Variants in BPNT2 observed in about 807,000 individuals in gnomAD.
BPNT2 encodes 3'(2'), 5'-bisphosphate nucleotidase 2.
BPNT2 carries 11 observed loss-of-function variants against 29.3 expected under a neutral mutation model. The observed-to-expected ratio is 0.38, with a 90% CI of 0.24 to 0.62. The LOEUF is 0.62. Among genes scored for constraint, BPNT2 ranks in the 20% least tolerant of loss-of-function variants. The pLI, the probability that BPNT2 is intolerant of heterozygous loss-of-function variation, is 0.62. For synonymous variants in BPNT2, 195 were observed against 187.7 expected (o/e 1.04, Z -0.32); for missense variants, 459 against 473.4 (o/e 0.97, Z 0.28).
At chr8:56,974,244 G>T (rs1806090282) in intron 3 of BPNT2, among the ~76,000 whole-genome samples, 1 of 152,118 alleles carries the variant, frequency 6.6e-6, no homozygotes, top group African/African-American at 2.4e-5. Flanking sequence ...AGTTTTTAAG[G>T]AGTCAAAAGT....
intron 1 of BPNT2, among the ~76,000 whole-genome samples, chr8:56,980,574 A>G (rs1353392449): frequency 1.3e-5 from 2 of 152,106 alleles, no homozygotes; most frequent in Non-Finnish European, 2.9e-5. Flanking sequence ...AACACAAGCA[A>G]CTAGAGTTAG....
chr8:56,963,965 G>A lies in BPNT2; in HGVS notation c.908C>T (p.Ala303Val). Residue 303 changes from alanine (A) to valine (V), a missense_variant, in exon 5 of 5, where the codon GCT (alanine) becomes GTT (valine). Transcript: ENST00000262644. ...TAGGGCTTTTAAGATGGCATTACCA[G>A]CACATATATCCCACTTTTTGATGTA... Reference protein sequence around the residue: ...VTYIKKWDICAGNAILKALGG... With the variant: ...VTYIKKWDICVGNAILKALGG... The A allele has an allele frequency of 6.2e-7, 1 of 1,613,780 alleles. No homozygotes were observed. Among genetic ancestry groups the A allele is most frequent in the Non-Finnish European group, 8.5e-7 (1 of 1,179,868 alleles).
intron 3 of BPNT2, among the ~76,000 whole-genome samples, chr8:56,971,333 T>TA (rs1806027037): frequency 6.7e-6 from 1 of 150,020 alleles, no homozygotes; most frequent in Non-Finnish European, 1.5e-5. Flanking sequence ...TTCCTACACC[T>TA]ACTTCAGAAA....
intron 1 of BPNT2, among the ~76,000 whole-genome samples, chr8:56,987,980 G>A (rs549622272): frequency 6.6e-6 from 1 of 151,728 alleles, no homozygotes; most frequent in African/African-American, 2.4e-5. Context: ...CACCCGCCTC[G>A]GCCTCCCAAA....
intron 1 of BPNT2, 94 bp downstream of exon 1, chr8:56,993,105 T>C (rs1806445565): frequency 3.3e-6 from 5 of 1,530,344 alleles, no homozygotes; most frequent in East Asian, 4.9e-5. Context: ...ATCTACAAAA[T>C]GGAACCAGAA....
At chr8:56,972,474 T>TACA (rs1280192987) in intron 3 of BPNT2, among the ~76,000 whole-genome samples, 8 of 152,138 alleles carry the variant, frequency 5.3e-5, no homozygotes, top group Admixed American at 5.2e-4. Flanking sequence ...TTGCTGAAGC[T>TACA]ACACACCAAC....
rs1463950518 is a variant in BPNT2 at position 56,959,989 on chromosome 8, T to C, written c.*3804A>G. The C allele has an allele frequency of 6.6e-6, 1 of 152,216 alleles. No homozygotes were observed. Among genetic ancestry groups the C allele is most frequent in the Non-Finnish European group, 1.5e-5 (1 of 68,038 alleles). The allele number at this position is 152,216 out of a possible 1,614,324, so 9.4% of individuals were successfully genotyped here. ...CAACAGTTACAAGACAGACCTTTTG[T>C]AGGCATATAAATACATCTTAAATTC... On this transcript the variant is annotated 3_prime_UTR_variant, in exon 5 of 5. Transcript: ENST00000262644.
chr8:56,979,980 T>C (rs548272419), intron 2 of BPNT2, 55 bp downstream of exon 2: 1 of 1,550,408 alleles, frequency 6.4e-7, no homozygotes, highest in African/African-American at 1.4e-5. Flanking sequence ...GCCTTGGTTC[T>C]GGTTCTCTAC....
chr8:56,971,389 T>C (rs563016868), intron 3 of BPNT2, among the ~76,000 whole-genome samples: 2 of 151,930 alleles, frequency 1.3e-5, no homozygotes, highest in African/African-American at 4.8e-5. Flanking sequence ...CGAGTGAATA[T>C]ACACTTGACC....
intron 1 of BPNT2, among the ~76,000 whole-genome samples, chr8:56,992,372 G>T (rs1013462767): frequency 1.8e-4 from 27 of 152,016 alleles, no homozygotes; most frequent in Non-Finnish European, 2.9e-5. Flanking sequence ...GCAGTTTCTG[G>T]AACTGCAAAT....
intron 1 of BPNT2, among the ~76,000 whole-genome samples, chr8:56,985,878 C>T (rs1806319757): frequency 6.6e-6 from 1 of 152,126 alleles, no homozygotes; most frequent in South Asian, 2.1e-4. Flanking sequence ...TGTAGATGTA[C>T]AAAATATGGA....
intron 3 of BPNT2, among the ~76,000 whole-genome samples, chr8:56,967,888 G>A (rs1017885281): frequency 6.6e-6 from 1 of 152,074 alleles, no homozygotes; most frequent in Non-Finnish European, 1.5e-5. Context: ...TAACAGAAAT[G>A]AAAGCTCCTG....
intron 1 of BPNT2, among the ~76,000 whole-genome samples, chr8:56,983,765 T>TA (rs1331586312): frequency 6.6e-6 from 1 of 152,174 alleles, no homozygotes; most frequent in African/African-American, 2.4e-5. Flanking sequence ...TGGTTTTTTT[T>TA]AACCTTCTCC....
At chr8:56,964,837 T>C (rs1186017091) in intron 4 of BPNT2, among the ~76,000 whole-genome samples, 1 of 152,118 alleles carries the variant, frequency 6.6e-6, no homozygotes, top group Non-Finnish European at 1.5e-5. Context: ...GAGGCAGAAT[T>C]TAAAAACTAA....
Position 56,966,212 on chromosome 8 carries a change from T to C in BPNT2, c.787A>G (p.Ile263Val), listed in dbSNP as rs745323535. ...ATACCAGCACCACCAGCTGGGATAA[T>C]TGTAGTCTGGTTTCCAAAAGTCTGA... ...ALQTFGNQTT[I>V]IPAGGAGYKV... The change falls in exon 4 of 5, where the codon ATT becomes GTT. Residue 263 changes from isoleucine to valine, a missense_variant. Physicochemically the swap from Ile to Val is conservative, Grantham distance 29 (BLOSUM62 3). Transcript: ENST00000262644. 48 of 1,614,062 alleles carry C rather than the reference T, an allele frequency of 3.0e-5. No individual in the cohort carries two copies. Among genetic ancestry groups the C allele is most frequent in the East Asian group, 8.9e-5 (4 of 44,890 alleles).
chr8:56,967,774 G>C lies in BPNT2; in HGVS notation c.647-1422C>G, dbSNP rs1423973420. Among the ~76,000 whole-genome samples, 5 of 152,210 alleles carry C rather than the reference G, an allele frequency of 3.3e-5. No individual in the cohort carries two copies. In the South Asian group the frequency reaches 6.2e-4, roughly 19 times the overall value. ...CAACTAGAGCTGAAGAGAAGGAAGA[G>C]ATTAAGATAGGGGCTTTATTGAAAC... On this transcript the variant is annotated intron_variant, in intron 3 of 4. Transcript: ENST00000262644.
At chr8:56,977,836 T>G (rs944604651) in intron 3 of BPNT2, among the ~76,000 whole-genome samples, 4 of 152,118 alleles carry the variant, frequency 2.6e-5, no homozygotes, top group African/African-American at 9.7e-5. Context: ...AGATACTCCC[T>G]TACAGTTTCA....
rs2129202829 is a variant in BPNT2 at position 56,960,952 on chromosome 8, A to G, written c.*2841T>C. On this transcript the variant is annotated 3_prime_UTR_variant, in exon 5 of 5. Coordinates refer to ENST00000262644, the MANE Select transcript of BPNT2 (RefSeq NM_017813.5). ...CCAATATCCAGAAAAATGTATATCT[A>G]AAAGAATTTGGGAGTGAGAGTTGTG... The G allele has an allele frequency of 6.6e-6, 1 of 152,302 alleles. No individual in the cohort carries two copies. The highest frequency in any genetic ancestry group is 1.9e-4 in the East Asian group (1 of 5,184). 9.4% of individuals were successfully genotyped at this position (152,302 alleles called of 1,614,324 possible).
chr8:56,993,472 G>A lies in BPNT2; in HGVS notation c.114C>T (p.Leu38=), dbSNP rs1404042115. 1.3e-6 allele frequency: 2 copies of A among 1,495,874 alleles called. No individual in the cohort carries two copies. Among genetic ancestry groups the A allele is most frequent in the South Asian group, 1.3e-5 (1 of 77,982 alleles). The allele number at this position is 1,495,874 out of a possible 1,614,324, so 92.7% of individuals were successfully genotyped here. A position where few individuals can be genotyped will look rare whatever the true frequency, so the allele number is the denominator to read the frequency against. The stretch of plus-strand genomic sequence containing the variant: ...CGCCAGGCTCGCCGCCCAGGCCGAA[G>A]AGGCTGAAGCGGCCGGCCAAGAAGC... The part of the protein sequence containing the change: ...YSGFLAGRFS[L]FGLGGEPGGG... The change falls in exon 1 of 5, where the codon CTC becomes CTT. Residue 38 remains leucine (L), a synonymous_variant. Coordinates refer to ENST00000262644, the MANE Select transcript of BPNT2 (RefSeq NM_017813.5).
Sources: allele counts gnomAD v4.1 joint callset (sites outside exome capture counted in the v4.1 genomes callset), GRCh38; gene constraint gnomAD v4.1.1; transcripts MANE v1.5; gene names NCBI Gene and HGNC (gene_info 2026-07-23, HGNC 2026-07-21).